Variants in SLC12A6 observed in about 807,000 individuals in gnomAD.
The protein encoded by SLC12A6 is K-Cl cotransporter 3.
A neutral mutation model predicts 135.3 loss-of-function variants in SLC12A6; 66 were observed. The observed-to-expected ratio is 0.49, with a 90% CI of 0.40 to 0.60. SLC12A6 has a LOEUF of 0.60. Ranked by LOEUF, SLC12A6 falls within the 20% of genes least tolerant of loss-of-function variation. The probability of loss-of-function intolerance (pLI) is 0.00; values close to 1 mark genes in which losing one functional copy is unlikely to be tolerated. For synonymous variants in SLC12A6, 513 were observed against 508.8 expected (o/e 1.01, Z -0.11); for missense variants, 1,058 against 1,452.3 (o/e 0.73, Z 4.41).
chr15:34,238,491 A>C, intron 20 of SLC12A6, 90 bp from the exon 21 acceptor site: 2 of 999,472 alleles, frequency 2.0e-6, no homozygotes, highest in Non-Finnish European at 3.1e-6. Flanking sequence ...CTCTTTTCAC[A>C]CTTCTTTGAG....
At chr15:34,238,182 C>T (rs1891402712) in intron 21 of SLC12A6, 50 bp downstream of exon 21, 1 of 1,320,948 alleles carries the variant, frequency 7.6e-7, no homozygotes, top group Non-Finnish European at 1.1e-6. Flanking sequence ...TCCTGTGAAC[C>T]AGGACAGAAG....
intron 3 of SLC12A6, among the ~76,000 whole-genome samples, chr15:34,274,633 T>C (rs1213196325): frequency 6.6e-6 from 1 of 151,872 alleles, no homozygotes; most frequent in African/African-American, 2.4e-5. Context: ...GCCGACATGG[T>C]GAAACCCTGT....
chr15:34,316,956 T>C (rs1595562279), intron 2 of SLC12A6, among the ~76,000 whole-genome samples: 1 of 152,028 alleles, frequency 6.6e-6, no homozygotes, highest in Non-Finnish European at 1.5e-5. Flanking sequence ...ACTGTAAGGG[T>C]GGAAAACATA....
intron 2 of SLC12A6, among the ~76,000 whole-genome samples, chr15:34,312,182 CAA>C (rs139817580): frequency 0.11 from 16,068 of 152,206 alleles, 959 homozygotes; most frequent in South Asian, 0.16. Context: ...TAATTAATAA[CAA>C]ATTATCACTA....
intron 9 of SLC12A6, 150 bp downstream of exon 9, chr15:34,254,198 G>T: frequency 1.2e-6 from 1 of 811,700 alleles, no homozygotes; most frequent in Non-Finnish European, 2.1e-6. Flanking sequence ...TAGGCTTCCT[G>T]CCTAGATGAG....
At chr15:34,336,921 C>A (rs947866596) in intron 1 of SLC12A6, 169 bp from the exon 2 acceptor site, 3 of 562,494 alleles carry the variant, frequency 5.3e-6, no homozygotes, top group African/African-American at 3.8e-5. Context: ...AAACAAAAAA[C>A]AAAAAGACAA....
At chr15:34,259,296 G>A (rs146352829) in intron 4 of SLC12A6, among the ~76,000 whole-genome samples, 1,822 of 151,376 alleles carry the variant, frequency 0.012, 15 homozygotes, top group Middle Eastern at 0.038. Flanking sequence ...AGCCGAGATC[G>A]CGCCACTGCG....
intron 2 of SLC12A6, among the ~76,000 whole-genome samples, chr15:34,288,916 C>A (rs1003523848): frequency 6.6e-6 from 1 of 152,182 alleles, no homozygotes; most frequent in Non-Finnish European, 1.5e-5. Flanking sequence ...AATACACAAT[C>A]ATGTCATCTG....
intron 3 of SLC12A6, among the ~76,000 whole-genome samples, chr15:34,261,464 T>G (rs1046708100): frequency 5.3e-5 from 8 of 151,948 alleles, no homozygotes; most frequent in African/African-American, 1.9e-4. Context: ...CCCAGCTAAT[T>G]TGTTTGTATT....
At chr15:34,324,765 G>T (rs1889354513) in intron 2 of SLC12A6, among the ~76,000 whole-genome samples, 1 of 151,848 alleles carries the variant, frequency 6.6e-6, no homozygotes, top group Admixed American at 6.6e-5. Flanking sequence ...CCTCTCGAGT[G>T]TGGTATCATT....
intron 10 of SLC12A6, among the ~76,000 whole-genome samples, chr15:34,251,349 G>A (rs1047811238): frequency 6.6e-6 from 1 of 151,958 alleles, no homozygotes; most frequent in Non-Finnish European, 1.5e-5. Context: ...CCAGGTTCAC[G>A]CCATTCTCCT....
At chr15:34,238,181 C>G in intron 21 of SLC12A6, 51 bp downstream of exon 21, 1 of 1,289,596 alleles carries the variant, frequency 7.8e-7, no homozygotes, top group Non-Finnish European at 1.1e-6. Context: ...GTCCTGTGAA[C>G]CAGGACAGAA....
chr15:34,251,325 G>A (rs1036289144), intron 10 of SLC12A6, among the ~76,000 whole-genome samples: 14 of 152,138 alleles, frequency 9.2e-5, no homozygotes, highest in African/African-American at 3.4e-4. Flanking sequence ...TTGGCTCACT[G>A]CAAGCTCTGC....
At chr15:34,239,618 T>C (rs1335261732) in intron 19 of SLC12A6, among the ~76,000 whole-genome samples, 2 of 152,248 alleles carry the variant, frequency 1.3e-5, no homozygotes, top group African/African-American at 4.8e-5. Context: ...AGGTATGTTT[T>C]CTTTTTCGCC....
At chr15:34,276,172 T>G (rs758793813) in intron 2 of SLC12A6, among the ~76,000 whole-genome samples, 12 of 152,252 alleles carry the variant, frequency 7.9e-5, no homozygotes, top group Non-Finnish European at 1.3e-4. Context: ...TCACACAAAT[T>G]TGACCAAGCA....
intron 2 of SLC12A6, among the ~76,000 whole-genome samples, chr15:34,286,700 G>T (rs922887622): frequency 6.6e-6 from 1 of 152,112 alleles, no homozygotes; most frequent in African/African-American, 2.4e-5. Flanking sequence ...GGAGGCTGAG[G>T]CAGGAGAATC....
intron 2 of SLC12A6, among the ~76,000 whole-genome samples, chr15:34,277,277 T>C (rs1303713168): frequency 6.6e-6 from 1 of 151,924 alleles, no homozygotes; most frequent in Non-Finnish European, 1.5e-5. Context: ...TATGAAACAT[T>C]TTAAAAATTA....
rs540061433 is a variant in SLC12A6, at chr15:34,242,304, G to A, written c.2043-83C>T. 5 of 957,366 alleles carry A rather than the reference G, an allele frequency of 5.2e-6. No individual in the cohort carries two copies. In the Admixed American group the frequency reaches 1.0e-4, roughly 20 times the overall value. 59.3% of individuals were successfully genotyped at this position (957,366 alleles called of 1,614,324 possible). A position where few individuals can be genotyped will look rare whatever the true frequency, so the allele number is the denominator to read the frequency against. On this transcript the variant is annotated intron_variant, in intron 16 of 25. Transcript: ENST00000354181. ...TAAAGGTGCTTCTCAAACTATCTGT[G>A]GTGAGGTATTATTTTTTAAAAACTT...
intron 2 of SLC12A6, among the ~76,000 whole-genome samples, chr15:34,330,113 CT>C (rs1194928729): frequency 1.3e-4 from 20 of 152,238 alleles, no homozygotes; most frequent in African/African-American, 4.3e-4. Context: ...TCAAAAGTAT[CT>C]TTTTTCAATT....
Sources: gnomAD v4.1 joint callset for allele counts (sites outside exome capture counted in the v4.1 genomes callset) on GRCh38, gnomAD v4.1.1 for gene constraint, MANE v1.5 for transcripts, NCBI Gene and HGNC (gene_info 2026-07-23, HGNC 2026-07-21) for gene names.